Variants in KIF5B observed in about 807,000 individuals in gnomAD.
KIF5B encodes the protein kinesin-1 heavy chain.
In KIF5B, 49 loss-of-function variants were observed where a neutral mutation model predicts 132.8. The observed-to-expected ratio is 0.37, with a 90% CI of 0.29 to 0.47. KIF5B has a LOEUF of 0.47. KIF5B is among the 20% of genes least tolerant of loss of function. KIF5B has a pLI of 1.00. For missense variants in KIF5B, 780 were observed against 1,144.0 expected (o/e 0.68, Z 4.59); for synonymous variants, 355 against 369.4 (o/e 0.96, Z 0.45).
rs186949796 is a variant in KIF5B at position 32,020,665 on chromosome 10, C to T, written c.2204+357G>A. Among the ~76,000 whole-genome samples the T allele has an allele frequency of 3.2e-3, 489 of 152,252 alleles. 3 individuals are homozygous for T. Among genetic ancestry groups the T allele is most frequent in the Admixed American group, 5.8e-3 (89 of 15,294 alleles). On this transcript the variant is annotated intron_variant, in intron 19 of 25. Transcript: ENST00000302418. ...TCTTGAACTCCTGACTTCTAGTGAT[C>T]CTCCCACCCCAGCCTCCCAAAGCAC...
At chr10:32,055,413 C>A (rs550395287) in intron 1 of KIF5B, among the ~76,000 whole-genome samples, 1 of 152,244 alleles carries the variant, frequency 6.6e-6, no homozygotes, top group East Asian at 1.9e-4. Context: ...TACACTACGG[C>A]TTATCTCAGA....
At chr10:32,040,607 G>T in intron 2 of KIF5B, 150 bp from the exon 3 acceptor site, 1 of 577,274 alleles carries the variant, frequency 1.7e-6, no homozygotes, top group Non-Finnish European at 3.1e-6. Flanking sequence ...TATTCCTAGT[G>T]AGGTATAAAA....
At chr10:32,021,505 G>T (rs1359578915) in intron 17 of KIF5B, among the ~76,000 whole-genome samples, 7 of 140,652 alleles carry the variant, frequency 5.0e-5, no homozygotes, top group South Asian at 4.5e-4. Flanking sequence ...GGTTTGTTTG[G>T]TTTTTTTTTT....
intron 20 of KIF5B, 30 bp from the exon 21 acceptor site, chr10:32,018,592 C>G: frequency 6.9e-7 from 1 of 1,441,764 alleles, no homozygotes; most frequent in African/African-American, 2.3e-5. Flanking sequence ...CATATATTTT[C>G]AAATTTTATT....
intron 24 of KIF5B, among the ~76,000 whole-genome samples, chr10:32,015,885 T>C (rs919267512): frequency 6.6e-6 from 1 of 152,154 alleles, no homozygotes; most frequent in Non-Finnish European, 1.5e-5. Context: ...CTCATACCTG[T>C]GTAATCCCAG....
chr10:32,031,995 G>C (rs946518424), intron 13 of KIF5B, among the ~76,000 whole-genome samples: 1 of 150,046 alleles, frequency 6.7e-6, no homozygotes, highest in Non-Finnish European at 1.5e-5. Flanking sequence ...GCAAGACTTC[G>C]CCTCAAAAAC....
intron 4 of KIF5B, among the ~76,000 whole-genome samples, chr10:32,039,067 T>C (rs112399517): frequency 6.6e-6 from 1 of 152,206 alleles, no homozygotes; most frequent in East Asian, 1.9e-4. Flanking sequence ...TTTTATGTAG[T>C]AGAAACCTTC....
At chr10:32,054,977 A>T (rs571319773) in intron 1 of KIF5B, among the ~76,000 whole-genome samples, 1 of 152,332 alleles carries the variant, frequency 6.6e-6, no homozygotes, top group Non-Finnish European at 1.5e-5. Context: ...AGAAGTATGA[A>T]TCTAATACTG....
chr10:32,034,684 T>C lies in KIF5B; in HGVS notation c.1111+6A>G. The C allele has an allele frequency of 6.4e-7, 1 of 1,560,848 alleles. No individual in the cohort carries two copies. Among genetic ancestry groups the C allele is most frequent in the East Asian group, 2.3e-5 (1 of 42,726 alleles). On this transcript the variant is annotated splice_donor_region_variant and intron_variant, in intron 11 of 25. Transcript: ENST00000302418. ...AACTGAAGATGACAAATTCTTAAGTTATTACCATTACGCCATCTGTTGAGC... is the reference window on the plus strand; with the variant it reads ...AACTGAAGATGACAAATTCTTAAGTCATTACCATTACGCCATCTGTTGAGC...
intron 15 of KIF5B, among the ~76,000 whole-genome samples, chr10:32,026,132 TG>T (rs1841330353): frequency 6.6e-6 from 1 of 152,008 alleles, no homozygotes; most frequent in African/African-American, 2.4e-5. Context: ...AACTGTAAAC[TG>T]TAACTTAAGA....
At chr10:32,034,387 C>G (rs552971620) in intron 11 of KIF5B, among the ~76,000 whole-genome samples, 2 of 152,170 alleles carry the variant, frequency 1.3e-5, no homozygotes, top group Non-Finnish European at 2.9e-5. Flanking sequence ...GCTAGGATTA[C>G]AGGCATGAGC....
At chr10:32,042,795 G>A (rs959742819) in intron 2 of KIF5B, among the ~76,000 whole-genome samples, 13 of 152,102 alleles carry the variant, frequency 8.5e-5, no homozygotes, top group African/African-American at 2.9e-4. Flanking sequence ...AGCACATCAC[G>A]TTGTAGAAAG....
chr10:32,011,371 G>A lies in KIF5B; in HGVS notation c.*166C>T, dbSNP rs1047338829. The A allele has an allele frequency of 1.3e-5, 2 of 152,506 alleles. No individual in the cohort carries two copies. Among genetic ancestry groups the A allele is most frequent in the Non-Finnish European group, 2.9e-5 (2 of 68,000 alleles). The allele number at this position is 152,506 out of a possible 1,614,324, so 9.4% of individuals were successfully genotyped here. A position where few individuals can be genotyped will look rare whatever the true frequency, so the allele number is the denominator to read the frequency against. The stretch of plus-strand genomic sequence containing the variant: ...AGCAGCAGAGTTTACAAGAAGAGTA[G>A]GTAGGAAACAGCTGTACAGGCCAGG... On this transcript the variant is annotated 3_prime_UTR_variant, in exon 26 of 26. Transcript: ENST00000302418.
chr10:32,022,235 A>C lies in KIF5B; in HGVS notation c.1937T>G (p.Leu646Trp). Residue 646 changes from leucine to tryptophan, a missense_variant, in exon 17 of 26, where the codon TTG becomes TGG. By Grantham distance (61) the Leu-to-Trp change is moderately conservative (BLOSUM62 -2). This residue lies in a region of KIF5B where 471 missense variants were observed against 569.9 expected (regional missense o/e 0.83). Transcript: ENST00000302418. ...TTCCACATTTTGAAGGTATTCAGTCAATGACTTGATTTTGGCTTCATGCTT... is the reference window on the plus strand; with the variant it reads ...TTCCACATTTTGAAGGTATTCAGTCCATGACTTGATTTTGGCTTCATGCTT... Reference protein sequence around the residue: ...ISQHEAKIKSLTEYLQNVEQK... With the variant: ...ISQHEAKIKSWTEYLQNVEQK... The C allele has an allele frequency of 6.2e-7, 1 of 1,610,990 alleles. No individual in the cohort carries two copies. The highest frequency in any genetic ancestry group is 1.1e-5 in the South Asian group (1 of 90,538).
intron 15 of KIF5B, among the ~76,000 whole-genome samples, chr10:32,024,178 G>A (rs1403387861): frequency 1.3e-4 from 12 of 95,098 alleles, no homozygotes; most frequent in African/African-American, 5.1e-4. Context: ...TTTTTGAGAC[G>A]GAGTCTCGCT....
chr10:32,022,703 A>T, intron 16 of KIF5B, 145 bp downstream of exon 16: 1 of 568,710 alleles, frequency 1.8e-6, no homozygotes, highest in East Asian at 2.8e-5. Context: ...ACTCAGTTAA[A>T]TCATTCAAAT....
In KIF5B at chr10:32,010,098, A is replaced by AAGTT; in HGVS notation, c.*1435_*1438dup. The AAGTT allele has an allele frequency of 6.6e-6, 1 of 152,274 alleles. No individual in the cohort carries two copies. The highest frequency in any genetic ancestry group is 3.4e-3 in the Middle Eastern group (1 of 294). 9.4% of individuals were successfully genotyped at this position (152,274 alleles called of 1,614,324 possible). A position where few individuals can be genotyped will look rare whatever the true frequency, so the allele number is the denominator to read the frequency against. ...TATCTGTGTATAAAACTTTTGCAAA[A>AAGTT]AGTTAATTCTGCCAGCAAGATCCTA... On this transcript the variant is annotated 3_prime_UTR_variant, in exon 26 of 26. Coordinates refer to ENST00000302418, the MANE Select transcript of KIF5B (RefSeq NM_004521.3).
chr10:32,051,719 C>T (rs1564471892), intron 1 of KIF5B, among the ~76,000 whole-genome samples: 1 of 152,072 alleles, frequency 6.6e-6, no homozygotes, highest in Non-Finnish European at 1.5e-5. Flanking sequence ...TTTTGTAATA[C>T]TAAGTAAGGC....
Position 32,017,334 on chromosome 10 carries a change from C to T in KIF5B, c.2570G>A (p.Arg857His). 1.2e-6 allele frequency: 2 copies of T among 1,613,998 alleles called. No individual in the cohort carries two copies. The highest frequency in any genetic ancestry group is 1.7e-6 in the Non-Finnish European group (2 of 1,179,930). Residue 857 changes from arginine to histidine, a missense_variant, in exon 24 of 26, where the codon CGC becomes CAC. Physicochemically the swap from Arg to His is conservative, Grantham distance 29. Around this residue, in one of 9 missense-constraint regions of KIF5B, gnomAD observed 32 missense variants for 71.1 expected, o/e 0.45. Coordinates refer to ENST00000302418, the MANE Select transcript of KIF5B (RefSeq NM_004521.3). ...KQLVRDNADL[R>H]CELPKLEKRL... ...CTTTTCCAACTTAGGAAGTTCACAG[C>T]GGAGATCTGCATTATCACGTACCAA...
Sources: allele counts gnomAD v4.1 joint callset (sites outside exome capture counted in the v4.1 genomes callset), GRCh38; gene constraint gnomAD v4.1.1; regional missense constraint gnomAD v4.1.1; transcripts MANE v1.5; gene names NCBI Gene and HGNC (gene_info 2026-07-23, HGNC 2026-07-21).